The following ZC3H12B variants were observed in gnomAD, a reference collection of about 807,000 sequenced individuals.
The protein encoded by ZC3H12B is probable ribonuclease ZC3H12B.
Under a neutral mutation model 43.9 loss-of-function variants are expected in ZC3H12B, and 7 were observed. That is an observed-to-expected ratio of 0.16 (90% CI 0.09 to 0.30). The LOEUF (loss-of-function observed/expected upper bound fraction) is 0.30. Among genes scored for constraint, ZC3H12B ranks in the 10% least tolerant of loss-of-function variants. The pLI, the probability that ZC3H12B is intolerant of heterozygous loss-of-function variation, is 1.00. For missense variants in ZC3H12B, 475 were observed against 670.2 expected (o/e 0.71, Z 3.22); for synonymous variants, 222 against 241.7 (o/e 0.92, Z 0.76).
At chrX:65,426,973 G>T (rs1225893876) in intron 3 of ZC3H12B, among the ~76,000 whole-genome samples, 1 of 111,393 alleles carries the variant, frequency 9.0e-6, no homozygotes, top group Non-Finnish European at 1.9e-5. Context: ...ATATCTATCA[G>T]GTCTACTTGA....
the ZC3H12B span, among the ~76,000 whole-genome samples, chrX:65,304,721 A>G: frequency 8.9e-6 from 1 of 111,995 alleles, no homozygotes; most frequent in African/African-American, 3.2e-5. Context: ...AAAATAAAAA[A>G]GTACACTTTT....
At chrX:65,393,978 G>T (rs980575086) in intron 2 of ZC3H12B, among the ~76,000 whole-genome samples, 1 of 112,078 alleles carries the variant, frequency 8.9e-6, no homozygotes. Context: ...TCATATGCTT[G>T]TTGGCTACCT....
At chrX:65,304,870 C>T in the ZC3H12B span, among the ~76,000 whole-genome samples, 32 of 111,210 alleles carry the variant, frequency 2.9e-4, no homozygotes, top group Admixed American at 3.1e-3. Context: ...ATTTGAAAGA[C>T]ATTTTAAAAA....
At chrX:65,177,681 C>A in the ZC3H12B span, among the ~76,000 whole-genome samples, 1 of 111,515 alleles carries the variant, frequency 9.0e-6, no homozygotes, top group Non-Finnish European at 1.9e-5. Context: ...ACAATTGTGA[C>A]AAACTGAATA....
At chrX:65,313,047 C>T in the ZC3H12B span, among the ~76,000 whole-genome samples, 1 of 110,614 alleles carries the variant, frequency 9.0e-6, no homozygotes, top group South Asian at 3.8e-4. Context: ...ACACCTGGCT[C>T]ATTTTTGTAT....
chrX:65,497,737 C>CTAG (rs1163126295), intron 2 of ZC3H12B, among the ~76,000 whole-genome samples: 1 of 111,894 alleles, frequency 8.9e-6, no homozygotes, highest in Non-Finnish European at 1.9e-5. Context: ...GGTCTGGCAC[C>CTAG]TAGGGCCAAT....
At chrX:65,094,886 G>A in the ZC3H12B span, among the ~76,000 whole-genome samples, 1 of 111,838 alleles carries the variant, frequency 8.9e-6, no homozygotes, top group African/African-American at 3.2e-5. Flanking sequence ...TGAGTTGCAA[G>A]CCAATGTAGC....
At chrX:65,067,654 TA>T in the ZC3H12B span, among the ~76,000 whole-genome samples, 1 of 112,151 alleles carries the variant, frequency 8.9e-6, no homozygotes, top group Non-Finnish European at 1.9e-5. Context: ...TTAGTCTGGC[TA>T]AAGGTTTTTA....
the ZC3H12B span, among the ~76,000 whole-genome samples, chrX:65,322,571 T>C: frequency 8.9e-6 from 1 of 112,223 alleles, no homozygotes; most frequent in South Asian, 3.7e-4. Flanking sequence ...GATTTACTTA[T>C]TGGTTTTATA....
the ZC3H12B span, among the ~76,000 whole-genome samples, chrX:65,233,368 A>T: frequency 9.0e-6 from 1 of 111,684 alleles, no homozygotes; most frequent in East Asian, 2.8e-4. Context: ...GTCTTAAGTA[A>T]TTCAAAAAAA....
At chrX:65,157,004 A>C in the ZC3H12B span, among the ~76,000 whole-genome samples, 7 of 110,315 alleles carry the variant, frequency 6.3e-5, no homozygotes, top group African/African-American at 2.0e-4. Context: ...ATTTTCAGAC[A>C]GTGTCTTACT....
the ZC3H12B span, among the ~76,000 whole-genome samples, chrX:65,222,314 A>C: frequency 9.0e-6 from 1 of 110,917 alleles, no homozygotes; most frequent in African/African-American, 3.3e-5. Context: ...CACTTTTGCC[A>C]CTTCTATTCA....
the ZC3H12B span, among the ~76,000 whole-genome samples, chrX:65,094,587 C>T: frequency 8.9e-6 from 1 of 111,749 alleles, no homozygotes; most frequent in Non-Finnish European, 1.9e-5. Context: ...TATTTCCACT[C>T]TTGGGGAAAA....
chrX:65,461,636 T>G (rs2067749331), intron 3 of ZC3H12B, among the ~76,000 whole-genome samples: 3 of 111,377 alleles, frequency 2.7e-5, no homozygotes, highest in South Asian at 7.6e-4. Flanking sequence ...CTCACTCATA[T>G]GTGGGAATTG....
At chrX:65,471,462 T>C (rs2148195909) in intron 3 of ZC3H12B, among the ~76,000 whole-genome samples, 1 of 99,243 alleles carries the variant, frequency 1.0e-5, no homozygotes, top group Non-Finnish European at 2.0e-5. Context: ...TTTTTTTTTT[T>C]TTTTTTGAGA....
chrX:65,157,192 G>C, the ZC3H12B span, among the ~76,000 whole-genome samples: 1 of 110,992 alleles, frequency 9.0e-6, no homozygotes, highest in Non-Finnish European at 1.9e-5. Context: ...TGTTCCCCAG[G>C]CTGGTCTCAG....
the ZC3H12B span, among the ~76,000 whole-genome samples, chrX:65,340,274 T>C: frequency 3.6e-5 from 4 of 112,280 alleles, no homozygotes; most frequent in African/African-American, 1.3e-4. Flanking sequence ...ACTTGAGCCA[T>C]GCTGCCTCCA....
At chrX:65,153,078 T>C in the ZC3H12B span, among the ~76,000 whole-genome samples, 5 of 111,663 alleles carry the variant, frequency 4.5e-5, no homozygotes, top group Non-Finnish European at 5.6e-5. Flanking sequence ...ATACAAAAAT[T>C]AATTCAAGAT....
chrX:65,124,443 A>T, the ZC3H12B span, among the ~76,000 whole-genome samples: 2 of 109,872 alleles, frequency 1.8e-5, no homozygotes, highest in Admixed American at 1.9e-4. Context: ...ATTGGTCTGT[A>T]GTTTTCTTTT....
Sources: gnomAD v4.1 joint callset for allele counts (sites outside exome capture counted in the v4.1 genomes callset) on GRCh38, gnomAD v4.1.1 for gene constraint, MANE v1.5 for transcripts, NCBI Gene and HGNC (gene_info 2026-07-23, HGNC 2026-07-21) for gene names.